Variants in TMEM232 observed in about 807,000 individuals in gnomAD.
TMEM232 encodes the protein transmembrane protein 232.
In TMEM232, 80 loss-of-function variants were observed where a neutral mutation model predicts 78.8. The observed-to-expected ratio is 1.01, with a 90% CI of 0.85 to 1.22. The LOEUF is 1.22. TMEM232 is among the 50% of genes most tolerant of loss of function. The pLI is 0.00. For missense variants in TMEM232, 881 were observed against 742.2 expected (o/e 1.19, Z -2.17); for synonymous variants, 297 against 254.3 (o/e 1.17, Z -1.60).
rs144577015 is a variant in TMEM232 at position 110,464,946 on chromosome 5, T to C, written c.1704-40030A>G. On this transcript the variant is annotated intron_variant, in intron 12 of 13. Transcript: ENST00000455884. Reference sequence around the variant, plus strand: ...GTAAATAAGAAGTGGAGAATACTAATGCCCATCATGGTAATGCTTACACAG... The same window carrying C: ...GTAAATAAGAAGTGGAGAATACTAACGCCCATCATGGTAATGCTTACACAG... Among the ~76,000 whole-genome samples the C allele has an allele frequency of 2.6e-5, 4 of 152,314 alleles. No homozygotes were observed. In the East Asian group the frequency reaches 7.7e-4, roughly 29 times the overall value.
chr5:110,652,139 T>C (rs188203516), intron 2 of TMEM232, among the ~76,000 whole-genome samples: 7 of 152,302 alleles, frequency 4.6e-5, no homozygotes, highest in African/African-American at 1.7e-4. Context: ...TCAAAGTCTT[T>C]GCATTTAGCT....
At chr5:110,495,975 A>G (rs1765596782) in intron 12 of TMEM232, among the ~76,000 whole-genome samples, 1 of 150,438 alleles carries the variant, frequency 6.6e-6, no homozygotes, top group African/African-American at 2.5e-5. Flanking sequence ...TCATGCACAG[A>G]GGCATTATTA....
At chr5:110,482,560 G>A (rs1763988147) in intron 12 of TMEM232, among the ~76,000 whole-genome samples, 5 of 150,232 alleles carry the variant, frequency 3.3e-5, no homozygotes, top group Admixed American at 2.6e-4. Context: ...CAGCCTGGGC[G>A]ACAAGAGTGA....
intron 12 of TMEM232, among the ~76,000 whole-genome samples, chr5:110,428,516 A>G (rs2112661426): frequency 6.6e-6 from 1 of 151,900 alleles, no homozygotes; most frequent in East Asian, 1.9e-4. Context: ...TGGGAGGTCT[A>G]GGAGCCTAAC....
intron 2 of TMEM232, 42 bp downstream of exon 2, chr5:110,667,186 C>T: frequency 7.0e-7 from 1 of 1,419,314 alleles, no homozygotes; most frequent in South Asian, 1.5e-5. Flanking sequence ...TTTCTAAATT[C>T]TCTACAATAC....
chr5:110,568,262 G>A (rs188453727), intron 11 of TMEM232, among the ~76,000 whole-genome samples, 185 bp downstream of exon 11: 83 of 151,896 alleles, frequency 5.5e-4, no homozygotes, highest in African/African-American at 9.6e-4. Flanking sequence ...TTACACTACC[G>A]TCTAGAGCTC....
intron 3 of TMEM232, 37 bp downstream of exon 3, chr5:110,642,223 A>G: frequency 1.5e-6 from 2 of 1,304,904 alleles, no homozygotes; most frequent in Non-Finnish European, 2.1e-6. Context: ...CTAGAAAGGA[A>G]GTTAACATGC....
intron 1 of TMEM232, among the ~76,000 whole-genome samples, chr5:110,687,607 T>A (rs1261803048): frequency 2.6e-5 from 4 of 152,164 alleles, no homozygotes; most frequent in Non-Finnish European, 5.9e-5. Context: ...GAGTATATGC[T>A]TTATATTTAT....
At chr5:110,560,299 G>T (rs1192736132) in intron 11 of TMEM232, among the ~76,000 whole-genome samples, 1 of 151,892 alleles carries the variant, frequency 6.6e-6, no homozygotes, top group Admixed American at 6.6e-5. Flanking sequence ...GACAACAAAA[G>T]CCATTTGAAT....
At chr5:110,720,369 A>C (rs1797470903) in intron 1 of TMEM232, among the ~76,000 whole-genome samples, 1 of 152,140 alleles carries the variant, frequency 6.6e-6, no homozygotes, top group South Asian at 2.1e-4. Flanking sequence ...CCTCTCAGCC[A>C]CAATCACCAG....
At chr5:110,531,662 A>G (rs940722948) in intron 11 of TMEM232, among the ~76,000 whole-genome samples, 2 of 152,008 alleles carry the variant, frequency 1.3e-5, no homozygotes, top group African/African-American at 4.8e-5. Flanking sequence ...CTGCCCAGCA[A>G]TTTACTCTTA....
intron 8 of TMEM232, chr5:110,610,715 C>A: frequency 3.1e-6 from 1 of 327,746 alleles, no homozygotes; most frequent in Non-Finnish European, 6.0e-6. Context: ...CTGACGACTT[C>A]GAACATCTCA....
intron 12 of TMEM232, among the ~76,000 whole-genome samples, chr5:110,506,407 C>G (rs1198159576): frequency 6.6e-6 from 1 of 152,018 alleles, no homozygotes; most frequent in Non-Finnish European, 1.5e-5. Flanking sequence ...ATTTTACTCC[C>G]CAATAGAATC....
At chr5:110,556,771 C>G (rs1187518633) in intron 11 of TMEM232, among the ~76,000 whole-genome samples, 2 of 152,106 alleles carry the variant, frequency 1.3e-5, no homozygotes, top group African/African-American at 2.4e-5. Context: ...ATGAGGTTCC[C>G]TTTGTAAGTG....
At chr5:110,627,615 G>A (rs1305632399) in intron 6 of TMEM232, among the ~76,000 whole-genome samples, 166 bp downstream of exon 6, 1 of 152,094 alleles carries the variant, frequency 6.6e-6, no homozygotes, top group Non-Finnish European at 1.5e-5. Context: ...TGGAGGGGCA[G>A]TGAGCTGAAC....
chr5:110,615,899 T>C (rs1782863991), intron 8 of TMEM232, among the ~76,000 whole-genome samples: 1 of 151,622 alleles, frequency 6.6e-6, no homozygotes, highest in African/African-American at 2.4e-5. Context: ...TCATTTACAA[T>C]AGCAAAAAAT....
intron 11 of TMEM232, among the ~76,000 whole-genome samples, chr5:110,548,362 TTAA>T (rs1428067207): frequency 1.4e-4 from 21 of 148,728 alleles, no homozygotes; most frequent in South Asian, 2.1e-4. Context: ...TTATTAATAT[TTAA>T]TAATATTTAA....
intron 11 of TMEM232, among the ~76,000 whole-genome samples, chr5:110,544,895 T>C (rs1451129017): frequency 1.3e-5 from 2 of 152,108 alleles, no homozygotes; most frequent in Non-Finnish European, 1.5e-5. Flanking sequence ...CCTATCTTTG[T>C]CTGCACTTTA....
downstream of TMEM232, chr5:110,418,089 T>C (rs1365258009): frequency 6.6e-6 from 1 of 152,220 alleles, no homozygotes; most frequent in South Asian, 2.1e-4. Flanking sequence ...TTCTCTCTGA[T>C]TCCATGGCTC....
Sources: allele counts gnomAD v4.1 joint callset (sites outside exome capture counted in the v4.1 genomes callset), GRCh38; gene constraint gnomAD v4.1.1; transcripts MANE v1.5; gene names NCBI Gene and HGNC (gene_info 2026-07-23, HGNC 2026-07-21).